The following GRIK1 variants were observed in gnomAD, a reference collection of about 807,000 sequenced individuals.
GRIK1 encodes the protein glutamate receptor ionotropic, kainate 1.
Under a neutral mutation model 105.7 loss-of-function variants are expected in GRIK1, and 69 were observed. That is an observed-to-expected ratio of 0.65 (90% CI 0.54 to 0.80). GRIK1 has a LOEUF of 0.80. Ranked by LOEUF, GRIK1 falls within the 30% of genes least tolerant of loss-of-function variation. The pLI is 0.00. For missense variants in GRIK1, 1,109 were observed against 1,167.3 expected (o/e 0.95, Z 0.73); for synonymous variants, 438 against 431.3 (o/e 1.02, Z -0.19).
At chr21:29,671,269 C>T (rs1242983812) in intron 4 of GRIK1, among the ~76,000 whole-genome samples, 2 of 151,660 alleles carry the variant, frequency 1.3e-5, no homozygotes, top group East Asian at 1.9e-4. Flanking sequence ...ATTACAGGTG[C>T]CCACCACCAC....
chr21:29,786,604 AG>A (rs1403682778), intron 1 of GRIK1, among the ~76,000 whole-genome samples: 1 of 152,212 alleles, frequency 6.6e-6, no homozygotes, highest in Admixed American at 6.5e-5. Context: ...TTTTTGTTAA[AG>A]AAATGTACAC....
chr21:29,597,703 C>T (rs1271646845), intron 8 of GRIK1: 4 of 456,418 alleles, frequency 8.8e-6, no homozygotes, highest in Non-Finnish European at 1.8e-5. Context: ...AAGTGAGTAA[C>T]CTGCATGTAT....
intron 7 of GRIK1, among the ~76,000 whole-genome samples, chr21:29,601,625 C>T (rs1424127879): frequency 6.6e-6 from 1 of 152,200 alleles, no homozygotes; most frequent in Non-Finnish European, 1.5e-5. Flanking sequence ...TCCTATCCAG[C>T]CTTCAAGATT....
intron 7 of GRIK1, among the ~76,000 whole-genome samples, chr21:29,614,579 A>T (rs1356677202): frequency 2.0e-5 from 3 of 150,778 alleles, no homozygotes; most frequent in Admixed American, 2.0e-4. Flanking sequence ...ACATCCAGCT[A>T]ATTTTGTATT....
intron 15 of GRIK1, among the ~76,000 whole-genome samples, chr21:29,560,064 C>A (rs1177900680): frequency 2.6e-5 from 4 of 152,086 alleles, no homozygotes; most frequent in Non-Finnish European, 5.9e-5. Flanking sequence ...ATTGGATCAT[C>A]CCTTTCAAAT....
At chr21:29,736,112 C>T (rs2064784642) in intron 1 of GRIK1, among the ~76,000 whole-genome samples, 1 of 152,120 alleles carries the variant, frequency 6.6e-6, no homozygotes, top group African/African-American at 2.4e-5. Context: ...TCCTTTAGGC[C>T]TCAGTTTCAT....
intron 1 of GRIK1, among the ~76,000 whole-genome samples, chr21:29,695,136 A>G (rs1420478778): frequency 6.6e-6 from 1 of 152,198 alleles, no homozygotes; most frequent in Non-Finnish European, 1.5e-5. Flanking sequence ...GTAACAGTAC[A>G]AAATGTTAGT....
At chr21:29,906,667 G>A (rs1255423567) in intron 1 of GRIK1, among the ~76,000 whole-genome samples, 1 of 152,094 alleles carries the variant, frequency 6.6e-6, no homozygotes. Context: ...GATAATTCAG[G>A]AGGGGAAATA....
chr21:29,719,560 T>C (rs1238570574), intron 1 of GRIK1, among the ~76,000 whole-genome samples: 1 of 152,152 alleles, frequency 6.6e-6, no homozygotes, highest in East Asian at 1.9e-4. Context: ...TCAACTAAGC[T>C]TCAAAGAAAG....
chr21:29,560,609 T>C (rs1601117594), intron 15 of GRIK1, among the ~76,000 whole-genome samples: 1 of 143,636 alleles, frequency 7.0e-6, no homozygotes, highest in East Asian at 2.0e-4. Context: ...TCCTTCCTTC[T>C]TTCTTTTTTT....
At chr21:29,883,333 A>G (rs915534790) in intron 1 of GRIK1, among the ~76,000 whole-genome samples, 1 of 152,098 alleles carries the variant, frequency 6.6e-6, no homozygotes, top group Non-Finnish European at 1.5e-5. Context: ...GAGTCAAATA[A>G]AAATAATGGC....
At chr21:29,888,201 C>CTTCCTTTCTT (rs1569191676) in intron 1 of GRIK1, among the ~76,000 whole-genome samples, 1 of 57,342 alleles carries the variant, frequency 1.7e-5, no homozygotes, top group Non-Finnish European at 3.7e-5. Flanking sequence ...TTCTTTCTCT[C>CTTCCTTTCTT]TCTCTCTCTC....
chr21:29,651,778 T>C (rs2062742845), intron 5 of GRIK1, among the ~76,000 whole-genome samples: 1 of 151,888 alleles, frequency 6.6e-6, no homozygotes. Context: ...ACATAATCTA[T>C]ATGGGGTTTG....
At chr21:29,613,589 G>T (rs1275564562) in intron 7 of GRIK1, among the ~76,000 whole-genome samples, 3 of 152,066 alleles carry the variant, frequency 2.0e-5, no homozygotes, top group Non-Finnish European at 2.9e-5. Flanking sequence ...TGATGATTAA[G>T]GTATTTATCT....
At chr21:29,616,315 T>A (rs375261601) in intron 7 of GRIK1, among the ~76,000 whole-genome samples, 45 of 152,128 alleles carry the variant, frequency 3.0e-4, no homozygotes, top group African/African-American at 8.2e-4. Flanking sequence ...CGTTTAGATT[T>A]AAAAAAAATA....
At chr21:29,670,024 G>T (rs363557) in intron 4 of GRIK1, among the ~76,000 whole-genome samples, 1 of 152,268 alleles carries the variant, frequency 6.6e-6, no homozygotes, top group South Asian at 2.1e-4. Flanking sequence ...AGCCTCTGGA[G>T]GTTCCAATGA....
At chr21:29,888,982 C>G (rs2069788158) in intron 1 of GRIK1, among the ~76,000 whole-genome samples, 1 of 152,160 alleles carries the variant, frequency 6.6e-6, no homozygotes, top group African/African-American at 2.4e-5. Context: ...ATCTTCTGCA[C>G]CAAATCTGTT....
At chr21:29,600,160 A>G (rs1030986123) in intron 7 of GRIK1, among the ~76,000 whole-genome samples, 6 of 152,224 alleles carry the variant, frequency 3.9e-5, no homozygotes, top group African/African-American at 1.4e-4. Context: ...TACAATCTAA[A>G]TAGAACTCAC....
chr21:29,664,610 C>T (rs948193936), intron 4 of GRIK1, among the ~76,000 whole-genome samples: 2 of 150,288 alleles, frequency 1.3e-5, no homozygotes, highest in African/African-American at 2.5e-5. Context: ...TAGAACTCTA[C>T]GGGCCAAAAA....
Sources: gnomAD v4.1 joint callset for allele counts (sites outside exome capture counted in the v4.1 genomes callset) on GRCh38, gnomAD v4.1.1 for gene constraint, MANE v1.5 for transcripts, NCBI Gene and HGNC (gene_info 2026-07-23, HGNC 2026-07-21) for gene names.